The following UNC80 variants were observed in gnomAD, a reference collection of about 807,000 sequenced individuals.
UNC80 encodes the protein protein unc-80 homolog.
A neutral mutation model predicts 384.6 loss-of-function variants in UNC80; 164 were observed. That is an observed-to-expected ratio of 0.43 (90% CI 0.38 to 0.49). The LOEUF is 0.49. Among genes scored for constraint, UNC80 ranks in the 20% least tolerant of loss-of-function variants. The pLI is 0.00. For missense variants in UNC80, 3,330 were observed against 4,143.0 expected (o/e 0.80, Z 5.39); for synonymous variants, 1,486 against 1,527.8 (o/e 0.97, Z 0.64).
rs1184037608 is a variant in UNC80, at chr2:209,872,987, CTT to C, written c.3840+18_3840+19del. The C allele has an allele frequency of 6.5e-7, 1 of 1,549,868 alleles. No homozygotes were observed. The highest frequency in any genetic ancestry group is 2.0e-5 in the Admixed American group (1 of 50,980). ...TGGGGAGACGTGAGCTTTCGGTTTT[CTT>C]CTATAACAATTAGGTTGCTTAAGTG... On this transcript the variant is annotated intron_variant, in intron 23 of 64. Transcript: ENST00000673920. The surrounding 1 kb of genome is among the most constrained non-coding windows in gnomAD (Gnocchi z 4.1).
Position 209,929,959 on chromosome 2 carries a change from C to T in UNC80, c.5895C>T (p.Ile1965=). 6.5e-7 allele frequency: 1 copy of T among 1,534,254 alleles called. No homozygotes were observed. The highest frequency in any genetic ancestry group is 8.8e-7 in the Non-Finnish European group (1 of 1,140,818). The change falls in exon 37 of 65, where the codon ATC becomes ATT. Residue 1965 remains isoleucine, a synonymous_variant. Coordinates refer to ENST00000673920, the MANE Select transcript of UNC80 (RefSeq NM_001371986.1). The part of the protein sequence containing the change: ...VLRHFLEKLT[I]SNRQDELMYM... ...GACATTTTCTGGAAAAACTGACCAT[C>T]AGCAATAGACAAGTAAATTCCTCTT...
chr2:209,941,512 A>G, intron 44 of UNC80, 23 bp downstream of exon 44: 1 of 1,514,174 alleles, frequency 6.6e-7, no homozygotes, highest in African/African-American at 1.4e-5. Context: ...TCCTCTCCCA[A>G]CCAGAAAATT....
At chr2:209,913,499 T>C (rs1345848135) in intron 30 of UNC80, among the ~76,000 whole-genome samples, 3 of 152,214 alleles carry the variant, frequency 2.0e-5, no homozygotes, top group African/African-American at 7.2e-5. Context: ...CAAAGATGTA[T>C]TTCCTGGAGT....
rs146471648 is a variant in UNC80 at position 209,936,491 on chromosome 2, C to A, written c.6274-353C>A. ...GTAGGTGCCACTGTTCCTCCACAGTCCATCACTCAGTCTGAATTATAATTG... is the reference window on the plus strand; with the variant it reads ...GTAGGTGCCACTGTTCCTCCACAGTACATCACTCAGTCTGAATTATAATTG... On this transcript the variant is annotated intron_variant, in intron 40 of 64. Transcript: ENST00000673920. Among the ~76,000 whole-genome samples the A allele has an allele frequency of 1.0e-2, 1,517 of 152,320 alleles. 14 individuals are homozygous for A. Among genetic ancestry groups the A allele is most frequent in the Non-Finnish European group, 0.017 (1,142 of 68,028 alleles).
intron 61 of UNC80, 90 bp from the exon 62 acceptor site, chr2:209,992,076 G>T: frequency 2.0e-6 from 2 of 980,072 alleles, no homozygotes; most frequent in Non-Finnish European, 3.1e-6. Context: ...TGAAGTGACT[G>T]TATCATACAA....
At position 209,888,076 on chromosome 2, in the gene UNC80, C is replaced by G. The variant is rs944981827; in HGVS notation, c.4111-19C>G. Reference sequence around the variant, plus strand: ...CTGGGGAGATGCCAGCACTCATGTGCTCCTCACTGGCATTTTAGGACTTGG... The same window carrying G: ...CTGGGGAGATGCCAGCACTCATGTGGTCCTCACTGGCATTTTAGGACTTGG... On this transcript the variant is annotated intron_variant, in intron 25 of 64. Transcript: ENST00000673920. 3.2e-6 allele frequency: 5 copies of G among 1,551,368 alleles called. No individual in the cohort carries two copies. In the African/African-American group the frequency reaches 4.1e-5, roughly 13 times the overall value.
intron 63 of UNC80, 45 bp downstream of exon 63, chr2:209,993,471 C>T: frequency 1.3e-6 from 2 of 1,487,968 alleles, no homozygotes; most frequent in South Asian, 2.5e-5. Context: ...TGACATGATG[C>T]CATGCAACTC....
intron 17 of UNC80, 68 bp downstream of exon 17, chr2:209,834,236 G>A (rs1307992928): frequency 6.8e-7 from 1 of 1,477,586 alleles, no homozygotes; most frequent in Non-Finnish European, 9.1e-7. Context: ...CTGTTGTACT[G>A]TTTGTGTGGT....
At chr2:209,862,785 C>T (rs957357186) in intron 22 of UNC80, among the ~76,000 whole-genome samples, 22 of 149,818 alleles carry the variant, frequency 1.5e-4, no homozygotes, top group Non-Finnish European at 3.0e-4. Context: ...ACTTTTTATT[C>T]AATTTGCCAG....
chr2:209,780,978 G>C (rs1480357183), intron 4 of UNC80, among the ~76,000 whole-genome samples: 1 of 152,170 alleles, frequency 6.6e-6, no homozygotes, highest in African/African-American at 2.4e-5. Context: ...TTTCTGCAAC[G>C]CTGTAGTCTC....
chr2:209,786,998 T>C (rs1263811408), intron 5 of UNC80, among the ~76,000 whole-genome samples: 4 of 118,206 alleles, frequency 3.4e-5, no homozygotes, highest in Non-Finnish European at 6.8e-5. Context: ...TATATATATA[T>C]ATATATATAT....
intron 40 of UNC80, 82 bp downstream of exon 40, chr2:209,935,890 G>A (rs1484258435): frequency 2.4e-5 from 20 of 825,982 alleles, no homozygotes; most frequent in Non-Finnish European, 3.8e-5. Flanking sequence ...GAATAAAATG[G>A]CATTTTTCTG....
At chr2:209,777,734 T>A (rs1211101011) in intron 4 of UNC80, among the ~76,000 whole-genome samples, 175 bp downstream of exon 4, 1 of 152,174 alleles carries the variant, frequency 6.6e-6, no homozygotes, top group African/African-American at 2.4e-5. Flanking sequence ...AAACACAAAT[T>A]TCCACAAAGC....
intron 62 of UNC80, among the ~76,000 whole-genome samples, 186 bp from the exon 63 acceptor site, chr2:209,993,129 G>A (rs1319983207): frequency 6.6e-6 from 1 of 152,152 alleles, no homozygotes; most frequent in Non-Finnish European, 1.5e-5. Context: ...ACTAATAATT[G>A]GGAGATGAAC....
chr2:209,894,270 G>C lies in UNC80; in HGVS notation c.4384G>C (p.Gly1462Arg). Residue 1462 changes from glycine to arginine, a missense_variant, in exon 27 of 65, where the codon GGC (glycine) becomes CGC (arginine). Gly to Arg is a moderately radical substitution (Grantham distance 125, BLOSUM62 -2). This residue lies in a region of UNC80 where 801 missense variants were observed against 950.8 expected (regional missense o/e 0.84). Coordinates refer to ENST00000673920, the MANE Select transcript of UNC80 (RefSeq NM_001371986.1). ...TTCCTTGTCCAGCATTCGCCGGGTCGGCAGCTTAAAGAGCAGCAAGTTATC... is the reference window on the plus strand; with the variant it reads ...TTCCTTGTCCAGCATTCGCCGGGTCCGCAGCTTAAAGAGCAGCAAGTTATC... ...GGSLSSIRRV[G>R]SLKSSKLSRQ... The C allele has an allele frequency of 1.0e-6, 1 of 985,370 alleles. No homozygotes were observed. Among genetic ancestry groups the C allele is most frequent in the East Asian group, 1.1e-4 (1 of 8,814 alleles). 61.0% of individuals were successfully genotyped at this position (985,370 alleles called of 1,614,324 possible). A position where few individuals can be genotyped will look rare whatever the true frequency, so the allele number is the denominator to read the frequency against.
intron 40 of UNC80, 127 bp downstream of exon 40, chr2:209,935,935 T>C (rs867172923): frequency 1.7e-6 from 1 of 586,706 alleles, no homozygotes; most frequent in Middle Eastern, 2.7e-4. Flanking sequence ...TTTACTCTTC[T>C]AAAATCTGCC....
At chr2:209,809,290 C>T in intron 7 of UNC80, 1 of 753,980 alleles carries the variant, frequency 1.3e-6, no homozygotes. Flanking sequence ...CCTGGGTGCC[C>T]TCAAGAAACA....
At position 209,997,043 on chromosome 2, in the gene UNC80, C is replaced by T. The variant is rs987010367; in HGVS notation, c.*1448C>T. The T allele has an allele frequency of 6.6e-6, 1 of 152,098 alleles. No individual in the cohort carries two copies. Among genetic ancestry groups the T allele is most frequent in the African/African-American group, 2.4e-5 (1 of 41,418 alleles). 9.4% of individuals were successfully genotyped at this position (152,098 alleles called of 1,614,324 possible). On this transcript the variant is annotated 3_prime_UTR_variant, in exon 65 of 65. Transcript: ENST00000673920. ...TATACATATATAAAGAGGATACCTA[C>T]TAAACCCACCTTAATCATAAAGGAA...
At chr2:209,825,802 T>C in intron 13 of UNC80, 105 bp from the exon 14 acceptor site, 2 of 1,117,886 alleles carry the variant, frequency 1.8e-6, no homozygotes, top group South Asian at 2.6e-5. Context: ...AGGTGCTCCC[T>C]GTAAAACATA....
Sources: gnomAD v4.1 joint callset for allele counts (sites outside exome capture counted in the v4.1 genomes callset) on GRCh38, gnomAD v4.1.1 for gene constraint, gnomAD v4.1.1 regional missense constraint, Gnocchi (gnomAD v3.1) non-coding constraint, MANE v1.5 for transcripts, NCBI Gene and HGNC (gene_info 2026-07-23, HGNC 2026-07-21) for gene names.